The following DIAPH2 variants were observed in gnomAD, a reference collection of about 807,000 sequenced individuals.
The protein encoded by DIAPH2 is protein diaphanous homolog 2.
A neutral mutation model predicts 92.7 loss-of-function variants in DIAPH2; 35 were observed. The ratio of observed to expected loss-of-function variants is 0.38; its 90% CI spans 0.29 to 0.50. The LOEUF is 0.50. Among genes scored for constraint, DIAPH2 ranks in the 20% least tolerant of loss-of-function variants. The pLI, the probability that DIAPH2 is intolerant of heterozygous loss-of-function variation, is 0.94. For synonymous variants in DIAPH2, 301 were observed against 280.4 expected, an observed-to-expected ratio of 1.07 and a Z score of -0.73; for missense variants, 701 against 819.5, an observed-to-expected ratio of 0.86 and a Z score of 1.77.
intron 22 of DIAPH2, among the ~76,000 whole-genome samples, chrX:97,185,395 GTATA>G (rs68018026): frequency 0.016 from 282 of 17,802 alleles, 31 homozygotes; most frequent in African/African-American, 0.049. Context: ...ATATATATGT[GTATA>G]TATATATATA....
chrX:97,316,592 G>A (rs1211434413), intron 23 of DIAPH2, among the ~76,000 whole-genome samples: 2 of 110,664 alleles, frequency 1.8e-5, no homozygotes, highest in African/African-American at 3.3e-5. Context: ...GGAGGCAGAG[G>A]TTGCAGTGAG....
chrX:97,494,560 A>T (rs2070745732), intron 26 of DIAPH2, among the ~76,000 whole-genome samples: 1 of 111,387 alleles, frequency 9.0e-6, no homozygotes, highest in African/African-American at 3.3e-5. Context: ...TGTTTCTTAT[A>T]CTTTTGCACT....
chrX:96,845,874 G>C (rs948555107), intron 4 of DIAPH2, among the ~76,000 whole-genome samples: 21 of 111,492 alleles, frequency 1.9e-4, no homozygotes, highest in African/African-American at 6.2e-4. Flanking sequence ...TCCGACTCCT[G>C]GGTTCAAGCG....
intron 1 of DIAPH2, among the ~76,000 whole-genome samples, chrX:96,700,582 A>T (rs910417072): frequency 8.9e-6 from 1 of 112,467 alleles, no homozygotes; most frequent in African/African-American, 3.2e-5. Context: ...TTGCAGTTCT[A>T]CTAAAAACTG....
intron 24 of DIAPH2, among the ~76,000 whole-genome samples, chrX:97,356,863 C>G (rs1386800148): frequency 1.8e-5 from 2 of 111,068 alleles, no homozygotes; most frequent in Non-Finnish European, 3.8e-5. Context: ...TATTATAAAA[C>G]TAAAAAAACA....
intron 17 of DIAPH2, among the ~76,000 whole-genome samples, chrX:96,967,171 G>GT (rs1309050804): frequency 1.8e-5 from 2 of 110,928 alleles, no homozygotes; most frequent in East Asian, 2.8e-4. Context: ...TTGACCATTA[G>GT]TTTTTTAATC....
intron 26 of DIAPH2, among the ~76,000 whole-genome samples, chrX:97,474,916 T>C (rs765880602): frequency 2.3e-4 from 26 of 111,213 alleles, no homozygotes; most frequent in Non-Finnish European, 4.9e-4. Flanking sequence ...AAATGAGAAA[T>C]CTGATTTGTG....
At chrX:97,181,323 G>C (rs747339471) in intron 22 of DIAPH2, among the ~76,000 whole-genome samples, 1 of 110,654 alleles carries the variant, frequency 9.0e-6, no homozygotes, top group African/African-American at 3.3e-5. Flanking sequence ...TGCTGGCCTC[G>C]GCCTCCCAAC....
chrX:97,043,094 G>A (rs928338323), intron 17 of DIAPH2, among the ~76,000 whole-genome samples: 1 of 111,813 alleles, frequency 8.9e-6, no homozygotes, highest in Non-Finnish European at 1.9e-5. Flanking sequence ...GACTGTATAT[G>A]TTACTGGGAT....
At chrX:97,268,675 A>C (rs2068358509) in intron 23 of DIAPH2, among the ~76,000 whole-genome samples, 1 of 111,289 alleles carries the variant, frequency 9.0e-6, no homozygotes, top group Non-Finnish European at 1.9e-5. Flanking sequence ...TGTAGTTGTT[A>C]ATGCTTACTC....
intron 23 of DIAPH2, among the ~76,000 whole-genome samples, chrX:97,284,583 G>A (rs979231799): frequency 9.5e-6 from 1 of 105,619 alleles, no homozygotes; most frequent in Non-Finnish European, 1.9e-5. Context: ...GTACTTCAGC[G>A]TGGGCAACAA....
At chrX:97,431,826 A>G (rs1420365899) in intron 26 of DIAPH2, 1 of 112,164 alleles carries the variant, frequency 8.9e-6, no homozygotes, top group Non-Finnish European at 1.9e-5. Flanking sequence ...CAAGTCTGCC[A>G]AAAAACTCTG....
intron 3 of DIAPH2, among the ~76,000 whole-genome samples, chrX:96,743,487 AGTT>A (rs1350218669): frequency 1.8e-5 from 2 of 111,872 alleles, no homozygotes; most frequent in African/African-American, 6.5e-5. Flanking sequence ...CCTGGTCAAC[AGTT>A]GTTATCTTTT....
intron 1 of DIAPH2, among the ~76,000 whole-genome samples, chrX:96,725,673 T>C (rs1423779393): frequency 8.9e-6 from 1 of 111,924 alleles, no homozygotes; most frequent in African/African-American, 3.2e-5. Context: ...TTTTGAGACA[T>C]GGCCCATTCC....
At chrX:97,595,472 G>A (rs926818274) in intron 26 of DIAPH2, among the ~76,000 whole-genome samples, 4 of 111,683 alleles carry the variant, frequency 3.6e-5, no homozygotes, top group African/African-American at 1.3e-4. Context: ...TGTTTAAGCT[G>A]GGCCATGGTT....
chrX:97,381,037 ATGT>A (rs2147729644), intron 24 of DIAPH2, among the ~76,000 whole-genome samples: 2 of 111,612 alleles, frequency 1.8e-5, no homozygotes, highest in South Asian at 7.4e-4. Context: ...ATCTACATTC[ATGT>A]TGTTTTAGTG....
At chrX:97,141,988 A>G (rs955069756) in intron 22 of DIAPH2, among the ~76,000 whole-genome samples, 194 bp downstream of exon 22, 2 of 111,283 alleles carry the variant, frequency 1.8e-5, no homozygotes, top group Admixed American at 9.6e-5. Context: ...GTCTTACATC[A>G]TTTTTTTTAC....
At chrX:96,734,695 T>C (rs1275934927) in intron 1 of DIAPH2, among the ~76,000 whole-genome samples, 1 of 111,086 alleles carries the variant, frequency 9.0e-6, no homozygotes, top group Non-Finnish European at 1.9e-5. Flanking sequence ...AAGAAAAGAG[T>C]TATACATAGA....
At chrX:97,596,513 G>A (rs904435620) in intron 26 of DIAPH2, among the ~76,000 whole-genome samples, 3 of 111,829 alleles carry the variant, frequency 2.7e-5, no homozygotes, top group Non-Finnish European at 5.6e-5. Flanking sequence ...AGTATTAGGA[G>A]AATGAGACTA....
Sources: allele counts gnomAD v4.1 joint callset (sites outside exome capture counted in the v4.1 genomes callset), GRCh38; gene constraint gnomAD v4.1.1; transcripts MANE v1.5; gene names NCBI Gene and HGNC (gene_info 2026-07-23, HGNC 2026-07-21).